EDAR: variants seen among roughly 807,000 people sequenced by gnomAD.
EDAR encodes tumor necrosis factor receptor superfamily member EDAR.
In EDAR, 38 loss-of-function variants were observed where a neutral mutation model predicts 51.3. The observed-to-expected ratio is 0.74, with a 90% CI of 0.57 to 0.97. The LOEUF is 0.97. Among genes scored for constraint, EDAR ranks in the 50% least tolerant of loss-of-function variants. EDAR has a pLI of 0.00. For missense variants in EDAR, 528 were observed against 595.0 expected, an observed-to-expected ratio of 0.89 and a Z score of 1.17; for synonymous variants, 227 against 242.1, an observed-to-expected ratio of 0.94 and a Z score of 0.58.
chr2:108,936,972 G>C (rs185941748), intron 1 of EDAR, among the ~76,000 whole-genome samples: 5 of 152,280 alleles, frequency 3.3e-5, no homozygotes, highest in African/African-American at 1.2e-4. Context: ...TTAAATAGCC[G>C]GTCCTGTTCC....
At chr2:108,976,635 C>T (rs935122302) in intron 1 of EDAR, among the ~76,000 whole-genome samples, 12 of 152,128 alleles carry the variant, frequency 7.9e-5, no homozygotes, top group Admixed American at 3.3e-4. Context: ...TTTGTCCATC[C>T]GTCCATTATT....
chr2:108,950,349 C>T (rs1238009335), intron 1 of EDAR, among the ~76,000 whole-genome samples: 2 of 151,740 alleles, frequency 1.3e-5, no homozygotes, highest in East Asian at 1.9e-4. Context: ...TTTTTGGGCT[C>T]GAATGATCCT....
intron 11 of EDAR, among the ~76,000 whole-genome samples, chr2:108,905,027 A>G (rs1574367381): frequency 6.6e-6 from 1 of 152,314 alleles, no homozygotes; most frequent in East Asian, 1.9e-4. Context: ...AGTATCTCAA[A>G]ATAAAAAGTT....
At chr2:108,954,961 T>A (rs918631907) in intron 1 of EDAR, among the ~76,000 whole-genome samples, 1 of 152,066 alleles carries the variant, frequency 6.6e-6, no homozygotes, top group Non-Finnish European at 1.5e-5. Context: ...TGGGATTACA[T>A]GCGTGAGCCA....
intron 1 of EDAR, among the ~76,000 whole-genome samples, chr2:108,979,461 T>TCTCC (rs1698385282): frequency 7.1e-6 from 1 of 139,892 alleles, no homozygotes; most frequent in Non-Finnish European, 1.5e-5. Flanking sequence ...TCTGTCTCTC[T>TCTCC]CTCTCTCACA....
intron 1 of EDAR, among the ~76,000 whole-genome samples, chr2:108,975,082 A>T (rs2104453859): frequency 6.6e-6 from 1 of 152,308 alleles, no homozygotes; most frequent in East Asian, 1.9e-4. Context: ...CACGGAGCCT[A>T]GCCCCAAGTG....
At chr2:108,917,687 C>G (rs1697052887) in intron 5 of EDAR, among the ~76,000 whole-genome samples, 1 of 152,126 alleles carries the variant, frequency 6.6e-6, no homozygotes, top group African/African-American at 2.4e-5. Context: ...CCATCCCTGG[C>G]TGCAGGGCTG....
intron 1 of EDAR, among the ~76,000 whole-genome samples, chr2:108,931,356 C>A (rs910939145): frequency 3.9e-5 from 6 of 152,228 alleles, no homozygotes; most frequent in African/African-American, 1.4e-4. Context: ...CTTACATGAG[C>A]TTTAAGTCTG....
At chr2:108,947,342 T>C (rs1226050738) in intron 1 of EDAR, among the ~76,000 whole-genome samples, 4 of 152,160 alleles carry the variant, frequency 2.6e-5, no homozygotes, top group East Asian at 1.9e-4. Flanking sequence ...TCCAAGTGCA[T>C]GGTGCAAGCT....
intron 1 of EDAR, among the ~76,000 whole-genome samples, chr2:108,986,695 T>C (rs13022998): frequency 0.45 from 68,882 of 152,096 alleles, 18,646 homozygotes; most frequent in South Asian, 0.69. Flanking sequence ...TAAAGTGCCA[T>C]AGAAATGTAC....
Position 108,930,272 on chromosome 2 carries a change from C to T in EDAR, c.52-30G>A, listed in dbSNP as rs772179087. 22 of 1,613,706 alleles carry T rather than the reference C, an allele frequency of 1.4e-5. No individual in the cohort carries two copies. The East Asian group carries it at 3.1e-4, about 23-fold the overall frequency. ...CAACAAAGGGGGGTGTTGTGGCCTC[C>T]GTACCTCCTTAGAAACACATGTGAC... On this transcript the variant is annotated intron_variant, in intron 2 of 11. Transcript: ENST00000258443.
rs1024098722 is a variant in EDAR at position 108,975,377 on chromosome 2, C to T, written c.-19+13583G>A. ...GGCAAGGGAGCTTGTGGGTGCAGCT[C>T]AGCCCTGGGCACAGCATCAGGGAGA... is the stretch of plus-strand genomic sequence containing the variant. On this transcript the variant is annotated intron_variant, in intron 1 of 11. Transcript: ENST00000258443. 2.6e-5 allele frequency among the ~76,000 whole-genome samples: 4 copies of T among 152,322 alleles called. No individual in the cohort carries two copies. The East Asian group carries it at 5.8e-4, about 22-fold the overall frequency.
chr2:108,926,164 T>C (rs1170308353), intron 4 of EDAR, among the ~76,000 whole-genome samples: 1 of 152,216 alleles, frequency 6.6e-6, no homozygotes, highest in Non-Finnish European at 1.5e-5. Flanking sequence ...TGTCTTTTTC[T>C]GCCTGGGCTT....
At chr2:108,970,727 GT>G (rs1698219328) in intron 1 of EDAR, among the ~76,000 whole-genome samples, 2 of 152,104 alleles carry the variant, frequency 1.3e-5, no homozygotes, top group East Asian at 1.9e-4. Flanking sequence ...TAAGATGATG[GT>G]TTTTTAAAAG....
intron 1 of EDAR, among the ~76,000 whole-genome samples, chr2:108,973,725 C>T (rs556134072): frequency 6.6e-6 from 1 of 152,214 alleles, no homozygotes; most frequent in Non-Finnish European, 1.5e-5. Context: ...GACTACAAAA[C>T]CTGGAAATTT....
At chr2:108,904,025 A>G (rs1474689706) in intron 11 of EDAR, among the ~76,000 whole-genome samples, 1 of 152,212 alleles carries the variant, frequency 6.6e-6, no homozygotes, top group African/African-American at 2.4e-5. Context: ...AAGATAAGCT[A>G]AACTATAGAA....
intron 1 of EDAR, among the ~76,000 whole-genome samples, chr2:108,961,527 A>G (rs1698042206): frequency 6.6e-6 from 1 of 152,178 alleles, no homozygotes; most frequent in Non-Finnish European, 1.5e-5. Context: ...CGCTGCCTAC[A>G]TCAGATTTAC....
At chr2:108,928,090 C>A (rs932945732) in intron 4 of EDAR, among the ~76,000 whole-genome samples, 1 of 152,140 alleles carries the variant, frequency 6.6e-6, no homozygotes, top group Non-Finnish European at 1.5e-5. Flanking sequence ...AAGTCTTCAG[C>A]GGTGGTTTCC....
intron 4 of EDAR, among the ~76,000 whole-genome samples, chr2:108,927,285 C>T (rs1001042825): frequency 1.3e-5 from 2 of 152,060 alleles, no homozygotes; most frequent in African/African-American, 4.8e-5. Context: ...GGTCACTGTC[C>T]CATGGAGTAG....
Sources: allele counts gnomAD v4.1 joint callset (sites outside exome capture counted in the v4.1 genomes callset), GRCh38; gene constraint gnomAD v4.1.1; transcripts MANE v1.5; gene names NCBI Gene and HGNC (gene_info 2026-07-23, HGNC 2026-07-21).